The following ZCRB1 variants were observed in gnomAD, a reference collection of about 807,000 sequenced individuals.
The protein encoded by ZCRB1 is zinc finger CCHC-type and RNA binding motif containing 1.
Under a neutral mutation model 29.9 loss-of-function variants are expected in ZCRB1, and 21 were observed. That is an observed-to-expected ratio of 0.70 (90% CI 0.50 to 1.01). The LOEUF is 1.01. Ranked by LOEUF, ZCRB1 falls within the 50% of genes least tolerant of loss-of-function variation. ZCRB1 has a pLI of 0.00. For synonymous variants in ZCRB1, 77 were observed against 80.0 expected, an observed-to-expected ratio of 0.96 and a Z score of 0.20; for missense variants, 204 against 253.3, an observed-to-expected ratio of 0.81 and a Z score of 1.32.
intron 5 of ZCRB1, 119 bp from the exon 6 acceptor site, chr12:42,314,105 G>C: frequency 1.1e-6 from 1 of 951,234 alleles, no homozygotes; most frequent in South Asian, 1.8e-5. Context: ...TTCCCATACT[G>C]GGACTATACA....
chr12:42,317,370 G>A lies in ZCRB1; in HGVS notation c.303C>T (p.Tyr101=). ...ATTCATAACACTTAGATTTATCAAA[G>A]TAGTTTCGCCTTCGGATGAACTCAG... ...RAAEFIRRRN[Y]FDKSKCYECG... Residue 101 remains tyrosine, a synonymous_variant, in exon 5 of 8, where the codon TAC becomes TAT. Transcript: ENST00000266529. 1 of 1,612,576 alleles carries A rather than the reference G, an allele frequency of 6.2e-7. No individual in the cohort carries two copies. Among genetic ancestry groups the A allele is most frequent in the Non-Finnish European group, 8.5e-7 (1 of 1,179,576 alleles).
Position 42,322,460 on chromosome 12 carries a change from C to G in ZCRB1, c.85-14G>C, listed in dbSNP as rs370938291. The G allele has an allele frequency of 2.3e-5, 34 of 1,479,554 alleles. No homozygotes were observed. The Admixed American group carries it at 7.7e-4, about 34-fold the overall frequency. 91.7% of individuals were successfully genotyped at this position (1,479,554 alleles called of 1,614,324 possible). A position where few individuals can be genotyped will look rare whatever the true frequency, so the allele number is the denominator to read the frequency against. ...CTTGGAAAATATCTGAAACAAAAGA[C>G]CAAATATTTACAATTTATTTTAAAA... On this transcript the variant is annotated splice_polypyrimidine_tract_variant and intron_variant, in intron 2 of 7. Transcript: ENST00000266529.
chr12:42,317,897 C>T lies in ZCRB1; in HGVS notation c.115G>A (p.Val39Ile). 6.2e-7 allele frequency: 1 copy of T among 1,607,684 alleles called. No homozygotes were observed. The change falls in exon 4 of 8, where the codon GTT becomes ATT. Residue 39 changes from valine to isoleucine, a missense_variant and splice_region_variant. Transcript: ENST00000266529. ...IFSKYGKVVK[V>I]TIMKDKDTRK... ...GTATCTTTATCTTTCATGATGGTAA[C>T]CCTTAAAGCATAAACAAAGAGTTAA...
At chr12:42,322,524 A>G in intron 2 of ZCRB1, 78 bp from the exon 3 acceptor site, 1 of 1,326,510 alleles carries the variant, frequency 7.5e-7, no homozygotes, top group Non-Finnish European at 1.0e-6. Flanking sequence ...GACATTGACC[A>G]AATTCTTTGT....
chr12:42,314,804 T>C (rs1391448062), intron 5 of ZCRB1, among the ~76,000 whole-genome samples: 1 of 150,832 alleles, frequency 6.6e-6, no homozygotes, highest in Non-Finnish European at 1.5e-5. Context: ...ATACAAAAAT[T>C]AGCTGGGCTT....
intron 7 of ZCRB1, among the ~76,000 whole-genome samples, 158 bp downstream of exon 7, chr12:42,313,532 T>C (rs2068579356): frequency 6.6e-6 from 1 of 152,188 alleles, no homozygotes; most frequent in African/African-American, 2.4e-5. Context: ...AACTTTTCAT[T>C]CACACTGGCT....
Position 42,324,031 on chromosome 12 carries a change from ATTGT to A in ZCRB1, c.68_71del (p.Asn23MetfsTer14). 4 of 1,614,018 alleles carry A rather than the reference ATTGT, an allele frequency of 2.5e-6. No homozygotes were observed. Among genetic ancestry groups the A allele is most frequent in the Non-Finnish European group, 3.4e-6 (4 of 1,179,870 alleles). On this transcript the variant is annotated frameshift_variant, in exon 2 of 8. Transcript: ENST00000266529. LOFTEE classifies it high-confidence loss of function. ...AAGATTTACTTACCCGGTACAAGTCATTGTTTGTCAGGGAAAAAGGCAAGTTGGA... is the reference window on the plus strand; with the variant it reads ...AAGATTTACTTACCCGGTACAAGTCATTGTCAGGGAAAAAGGCAAGTTGGA...
At chr12:42,316,243 T>TGC (rs2068594139) in intron 5 of ZCRB1, among the ~76,000 whole-genome samples, 2 of 151,990 alleles carry the variant, frequency 1.3e-5, no homozygotes, top group African/African-American at 4.8e-5. Flanking sequence ...TACAGGCACC[T>TGC]GCCACCATGC....
In ZCRB1 at chr12:42,325,160, T is replaced by A. The variant is rs75487131; in HGVS notation, c.-3+764A>T. ...AAAAATATGGTACAATGTATTACAC[T>A]CTTAGGAGACCACTGTGGTATATGT... is the stretch of plus-strand genomic sequence containing the variant. On this transcript the variant is annotated intron_variant, in intron 1 of 7. Coordinates refer to ENST00000266529, the MANE Select transcript of ZCRB1 (RefSeq NM_033114.4). Among the ~76,000 whole-genome samples the A allele has an allele frequency of 2.4e-3, 371 of 152,336 alleles. 2 individuals carry two copies. The highest frequency in any genetic ancestry group is 8.5e-3 in the African/African-American group (353 of 41,558).
chr12:42,319,595 ATT>A (rs535209773), intron 3 of ZCRB1, among the ~76,000 whole-genome samples: 188 of 152,210 alleles, frequency 1.2e-3, no homozygotes, highest in African/African-American at 4.0e-3. Flanking sequence ...GCTCATTAAA[ATT>A]TTCCTCATTC....
At chr12:42,320,997 C>A (rs971029919) in intron 3 of ZCRB1, among the ~76,000 whole-genome samples, 1 of 152,164 alleles carries the variant, frequency 6.6e-6, no homozygotes, top group Admixed American at 6.5e-5. Flanking sequence ...CTTTCTATTT[C>A]TTGATCTCAC....
chr12:42,324,794 C>T (rs1237197163), intron 1 of ZCRB1, among the ~76,000 whole-genome samples: 1 of 152,242 alleles, frequency 6.6e-6, no homozygotes, highest in Non-Finnish European at 1.5e-5. Flanking sequence ...AACTTCCACT[C>T]AGACCATGAG....
At position 42,321,316 on chromosome 12, in the gene ZCRB1, T is replaced by C. The variant is rs116881214; in HGVS notation, c.113+1102A>G. ...GTAAAAGGGAGTGGGCTCTGAAATC[T>C]CACTGTTGGATTCAAATATTTTCTC... On this transcript the variant is annotated intron_variant, in intron 3 of 7. Transcript: ENST00000266529. Among the ~76,000 whole-genome samples, 393 of 152,322 alleles carry C rather than the reference T, an allele frequency of 2.6e-3. 1 individual carries two copies. The highest frequency in any genetic ancestry group is 4.3e-3 in the Non-Finnish European group (293 of 68,022).
At chr12:42,322,489 T>C in intron 2 of ZCRB1, 43 bp from the exon 3 acceptor site, 1 of 1,441,918 alleles carries the variant, frequency 6.9e-7, no homozygotes, top group Non-Finnish European at 9.3e-7. Context: ...TTTAAAATCA[T>C]AAAACATCAA....
Position 42,325,975 on chromosome 12 carries a change from G to C in ZCRB1, c.-54C>G, listed in dbSNP as rs997121679. 12 of 152,344 alleles carry C rather than the reference G, an allele frequency of 7.9e-5. No individual in the cohort carries two copies. The highest frequency in any genetic ancestry group is 7.2e-4 in the Admixed American group (11 of 15,290). The allele number at this position is 152,344 out of a possible 1,614,324, so 9.4% of individuals were successfully genotyped here. On this transcript the variant is annotated 5_prime_UTR_variant, in exon 1 of 8. Coordinates refer to ENST00000266529, the MANE Select transcript of ZCRB1 (RefSeq NM_033114.4). ...CAGAAGAGTGCGAGCCCTCGGCTCA[G>C]CTGGGGCTCAACCCCGACTCTTCGT...
chr12:42,325,806 C>CA (rs2068708824), intron 1 of ZCRB1, 118 bp downstream of exon 1: 1 of 152,244 alleles, frequency 6.6e-6, no homozygotes, highest in South Asian at 2.1e-4. Context: ...CGAAGGCAGG[C>CA]AGAGGTTAAG....
rs1227355509 is a variant in ZCRB1 at position 42,312,459 on chromosome 12, C to T, written c.*608G>A. 1 of 152,148 alleles carries T rather than the reference C, an allele frequency of 6.6e-6. No homozygotes were observed. The highest frequency in any genetic ancestry group is 1.5e-5 in the Non-Finnish European group (1 of 68,016). The allele number at this position is 152,148 out of a possible 1,614,324, so 9.4% of individuals were successfully genotyped here. A position where few individuals can be genotyped will look rare whatever the true frequency, so the allele number is the denominator to read the frequency against. On this transcript the variant is annotated 3_prime_UTR_variant, in exon 8 of 8. Transcript: ENST00000266529. The stretch of plus-strand genomic sequence containing the variant: ...TTCCCCCAAATTTTTAATACAGCCA[C>T]ATTGGGAATATTGAGGAAGGTAGGA...
At chr12:42,320,428 G>A (rs946668907) in intron 3 of ZCRB1, among the ~76,000 whole-genome samples, 9 of 152,040 alleles carry the variant, frequency 5.9e-5, no homozygotes, top group African/African-American at 2.2e-4. Flanking sequence ...GATTCAGACT[G>A]GTCTCACTGC....
chr12:42,319,097 C>T (rs137923260), intron 3 of ZCRB1, among the ~76,000 whole-genome samples: 48 of 152,044 alleles, frequency 3.2e-4, no homozygotes, highest in Admixed American at 2.7e-3. Context: ...TGGAATTTTT[C>T]GTAATGTTTG....
Sources: allele counts gnomAD v4.1 joint callset (sites outside exome capture counted in the v4.1 genomes callset), GRCh38; gene constraint gnomAD v4.1.1; transcripts MANE v1.5; gene names NCBI Gene and HGNC (gene_info 2026-07-23, HGNC 2026-07-21).